Variants in MAGI2 observed in about 807,000 individuals in gnomAD.
MAGI2 encodes the protein membrane-associated guanylate kinase, WW and PDZ domain-containing protein 2.
Under a neutral mutation model 133.3 loss-of-function variants are expected in MAGI2, and 35 were observed. The ratio of observed to expected loss-of-function variants is 0.26; its 90% CI spans 0.20 to 0.35. MAGI2 has a LOEUF of 0.35. MAGI2 is among the 10% of genes least tolerant of loss of function. The pLI, the probability that MAGI2 is intolerant of heterozygous loss-of-function variation, is 1.00. For synonymous variants in MAGI2, 729 were observed against 710.6 expected, an observed-to-expected ratio of 1.03 and a Z score of -0.41; for missense variants, 1,636 against 1,863.4, an observed-to-expected ratio of 0.88 and a Z score of 2.25.
intron 2 of MAGI2, among the ~76,000 whole-genome samples, chr7:78,645,752 T>TC (rs1464657176): frequency 1.3e-5 from 2 of 150,730 alleles, no homozygotes; most frequent in South Asian, 2.1e-4. Flanking sequence ...TTTTTTTTTT[T>TC]CCCCGAGACA....
intron 2 of MAGI2, among the ~76,000 whole-genome samples, chr7:78,946,051 C>A (rs1199472704): frequency 2.0e-5 from 3 of 152,012 alleles, no homozygotes; most frequent in African/African-American, 7.2e-5. Context: ...TTGTAACTAG[C>A]ATAATCAAAG....
intron 1 of MAGI2, among the ~76,000 whole-genome samples, chr7:79,422,908 C>T (rs1585922915): frequency 6.6e-6 from 1 of 152,036 alleles, no homozygotes. Context: ...GATTTTCTCT[C>T]ATACCAGAGC....
Position 78,967,622 on chromosome 7 carries a change from T to TTA in MAGI2, c.418+39466_418+39467dup, listed in dbSNP as rs138242523. ...CATGCATTATGAGTTGATTTTTTTT[T>TTA]TATATATATATAGTGTAGAAGTCCA... On this transcript the variant is annotated intron_variant, in intron 2 of 21. Coordinates refer to ENST00000354212, the MANE Select transcript of MAGI2 (RefSeq NM_012301.4). Among the ~76,000 whole-genome samples the TTA allele has an allele frequency of 1.3e-4, 20 of 151,168 alleles. No individual in the cohort carries two copies. In the South Asian group the frequency reaches 1.5e-3, roughly 11 times the overall value.
chr7:79,439,369 A>C (rs1848348188), intron 1 of MAGI2, among the ~76,000 whole-genome samples: 1 of 152,150 alleles, frequency 6.6e-6, no homozygotes, highest in African/African-American at 2.4e-5. Context: ...TGAGGCTCAG[A>C]AAATGTTAGT....
intron 7 of MAGI2, among the ~76,000 whole-genome samples, chr7:78,360,023 T>C (rs957203225): frequency 6.6e-6 from 1 of 152,206 alleles, no homozygotes; most frequent in Non-Finnish European, 1.5e-5. Flanking sequence ...TCCCTGCATA[T>C]TGATAAAGAG....
intron 6 of MAGI2, among the ~76,000 whole-genome samples, chr7:78,465,517 G>A (rs1347551333): frequency 2.0e-5 from 3 of 152,094 alleles, no homozygotes; most frequent in Non-Finnish European, 2.9e-5. Context: ...GTCCCATATG[G>A]CATGGATAAG....
chr7:78,593,234 T>C (rs1369431344), intron 3 of MAGI2, among the ~76,000 whole-genome samples: 2 of 151,194 alleles, frequency 1.3e-5, no homozygotes, highest in Non-Finnish European at 2.9e-5. Flanking sequence ...CTACTAAAAA[T>C]ACAAAAAATT....
chr7:78,504,409 TG>T (rs1400166726), intron 4 of MAGI2, among the ~76,000 whole-genome samples: 2 of 152,116 alleles, frequency 1.3e-5, no homozygotes, highest in Non-Finnish European at 1.5e-5. Context: ...GGATAAACAA[TG>T]AGTCTTATTT....
At chr7:78,622,041 C>T (rs1807800709) in intron 3 of MAGI2, among the ~76,000 whole-genome samples, 1 of 152,024 alleles carries the variant, frequency 6.6e-6, no homozygotes. Flanking sequence ...AAAGGACTCT[C>T]TTGATCTTTG....
At chr7:79,332,140 G>A (rs1178585825) in intron 1 of MAGI2, among the ~76,000 whole-genome samples, 2 of 152,082 alleles carry the variant, frequency 1.3e-5, no homozygotes, top group Non-Finnish European at 2.9e-5. Context: ...TCTCAGAAAT[G>A]TTCACTTGAG....
chr7:78,526,456 G>T lies in MAGI2; in HGVS notation c.539-4811C>A, dbSNP rs920571208. On this transcript the variant is annotated intron_variant, in intron 3 of 21. Transcript: ENST00000354212. Reference sequence around the variant, plus strand: ...ATCATCTATACATTAGCAGTTTCTTGTAAGTTTAATATCAAATTCCACTAA... The same window carrying T: ...ATCATCTATACATTAGCAGTTTCTTTTAAGTTTAATATCAAATTCCACTAA... Among the ~76,000 whole-genome samples the T allele has an allele frequency of 1.3e-5, 2 of 152,290 alleles. 1 individual carries two copies. Among genetic ancestry groups the T allele is most frequent in the African/African-American group, 4.8e-5 (2 of 41,572 alleles).
intron 16 of MAGI2, 130 bp from the exon 17 acceptor site, chr7:78,135,336 C>T: frequency 5.2e-6 from 4 of 765,608 alleles, no homozygotes; most frequent in Non-Finnish European, 8.4e-6. Flanking sequence ...TTTGAAATCA[C>T]ACTAATTTCT....
chr7:79,093,479 TTTA>T (rs1817244279), intron 1 of MAGI2, among the ~76,000 whole-genome samples: 1 of 152,114 alleles, frequency 6.6e-6, no homozygotes, highest in African/African-American at 2.4e-5. Flanking sequence ...CACATTGTAG[TTTA>T]TTAAGTGTGC....
chr7:78,776,341 A>G (rs954535840), intron 2 of MAGI2, among the ~76,000 whole-genome samples: 1 of 152,220 alleles, frequency 6.6e-6, no homozygotes, highest in Non-Finnish European at 1.5e-5. Flanking sequence ...TGATCAAATT[A>G]GGAAGCTACA....
intron 1 of MAGI2, among the ~76,000 whole-genome samples, chr7:79,447,935 C>A (rs182981166): frequency 6.6e-6 from 1 of 151,764 alleles, no homozygotes; most frequent in Admixed American, 6.6e-5. Context: ...TAATTTCTAG[C>A]TGAGAAGTAA....
At chr7:79,284,065 G>T (rs1195627826) in intron 1 of MAGI2, among the ~76,000 whole-genome samples, 1 of 152,066 alleles carries the variant, frequency 6.6e-6, no homozygotes, top group Non-Finnish European at 1.5e-5. Context: ...TAGGTTGTAT[G>T]ATCTGGGTTT....
chr7:78,377,976 G>T (rs1261016127), intron 6 of MAGI2, among the ~76,000 whole-genome samples: 4 of 151,842 alleles, frequency 2.6e-5, no homozygotes, highest in Admixed American at 2.6e-4. Context: ...AAAACCTAGA[G>T]ATATTTTGAA....
chr7:78,018,231 G>A lies in MAGI2; in HGVS notation c.*1084C>T, dbSNP rs934806559. Reference sequence around the variant, plus strand: ...AGAAAGGAATGCTAAAAAGACTCACGTTCTTTAATGAAAATAAATTGATTG... The same window carrying A: ...AGAAAGGAATGCTAAAAAGACTCACATTCTTTAATGAAAATAAATTGATTG... On this transcript the variant is annotated 3_prime_UTR_variant, in exon 22 of 22. Transcript: ENST00000354212. 1 of 152,574 alleles carries A rather than the reference G, an allele frequency of 6.6e-6. No individual in the cohort carries two copies. The highest frequency in any genetic ancestry group is 2.4e-5 in the African/African-American group (1 of 41,436). The allele number at this position is 152,574 out of a possible 1,614,324, so 9.5% of individuals were successfully genotyped here.
rs145832281 is a variant in MAGI2 at position 78,330,073 on chromosome 7, A to G, written c.1408+13705T>C. Among the ~76,000 whole-genome samples the G allele has an allele frequency of 1.8e-4, 27 of 152,324 alleles. No individual in the cohort carries two copies. The East Asian group carries it at 5.0e-3, about 28-fold the overall frequency. ...TTCATGTATCCATTACTTCTAGAATATTATAGCTTTAATTTATTGGGAGAT... is the reference window on the plus strand; with the variant it reads ...TTCATGTATCCATTACTTCTAGAATGTTATAGCTTTAATTTATTGGGAGAT... On this transcript the variant is annotated intron_variant, in intron 9 of 21. Transcript: ENST00000354212.
Sources: allele counts gnomAD v4.1 joint callset (sites outside exome capture counted in the v4.1 genomes callset), GRCh38; gene constraint gnomAD v4.1.1; transcripts MANE v1.5; gene names NCBI Gene and HGNC (gene_info 2026-07-23, HGNC 2026-07-21).